The following CAPRIN2 variants were observed in gnomAD, a reference collection of about 807,000 sequenced individuals.
CAPRIN2 encodes caprin family member 2.
In CAPRIN2, 66 loss-of-function variants were observed where a neutral mutation model predicts 130.4. The ratio of observed to expected loss-of-function variants is 0.51; its 90% CI spans 0.42 to 0.62. The LOEUF (loss-of-function observed/expected upper bound fraction) is 0.62. Ranked by LOEUF, CAPRIN2 falls within the 20% of genes least tolerant of loss-of-function variation. The pLI is 0.00. For missense variants in CAPRIN2, 1,185 were observed against 1,246.6 expected (o/e 0.95, Z 0.74); for synonymous variants, 471 against 444.1 (o/e 1.06, Z -0.76).
At chr12:30,711,335 C>A (rs2054477200) in intron 16 of CAPRIN2, among the ~76,000 whole-genome samples, 1 of 152,108 alleles carries the variant, frequency 6.6e-6, no homozygotes, top group African/African-American at 2.4e-5. Context: ...TAGTGTCAAG[C>A]AGATTTTTAA....
exon 8 of CAPRIN2, chr12:30,729,026 A>T: frequency 6.2e-7 from 1 of 1,614,154 alleles, no homozygotes; most frequent in Non-Finnish European, 8.5e-7. Flanking sequence ...ACTGGCTAGG[A>T]GATGGCTTGG....
At chr12:30,726,029 T>C in exon 9 of CAPRIN2, 1 of 1,601,104 alleles carries the variant, frequency 6.2e-7, no homozygotes, top group East Asian at 2.3e-5. Context: ...CTTTCCTCAA[T>C]ACTGGATCCT....
At chr12:30,746,307 A>G (rs2070321456) in intron 2 of CAPRIN2, among the ~76,000 whole-genome samples, 1 of 152,208 alleles carries the variant, frequency 6.6e-6, no homozygotes, top group Admixed American at 6.5e-5. Context: ...TAAGAGGATC[A>G]CTTGAGCCCA....
intron 15 of CAPRIN2, 121 bp from the exon 18 acceptor site, chr12:30,711,750 C>A: frequency 1.3e-6 from 1 of 792,004 alleles, no homozygotes; most frequent in Non-Finnish European, 2.2e-6. Context: ...TGGCCTTCCC[C>A]AGCAACCAAA....
intron 3 of CAPRIN2, 138 bp downstream of exon 4, chr12:30,740,882 C>T (rs2067151442): frequency 1.7e-6 from 1 of 589,432 alleles, no homozygotes; most frequent in Non-Finnish European, 3.0e-6. Context: ...TTATCCTCAA[C>T]CTTCCATCAC....
intron 8 of CAPRIN2, 110 bp downstream of exon 9, chr12:30,728,536 CAG>C (rs2061603210): frequency 1.2e-6 from 1 of 831,898 alleles, no homozygotes. Context: ...GCCTGGGTAA[CAG>C]AGTGTTTCTC....
chr12:30,753,472 G>A lies in CAPRIN2; in HGVS notation c.292C>T (p.Gln98Ter). Residue 98 changes from glutamine (Q) to a stop codon, truncating the protein, a stop_gained, in exon 1 of 17, where the codon CAG (glutamine) becomes TAG (stop). Coordinates refer to ENST00000298892, the Ensembl canonical transcript of CAPRIN2. LOFTEE classifies it high-confidence loss of function. The stretch of plus-strand genomic sequence containing the variant: ...GACTGCAGGGGGCTCAAGGCCCGCT[G>A]GCTTTCCCCATGCTGACTGTGGTTC... The A allele has an allele frequency of 6.2e-7, 1 of 1,614,158 alleles. No homozygotes were observed. The highest frequency in any genetic ancestry group is 2.2e-5 in the East Asian group (1 of 44,882).
At chr12:30,709,857 A>T (rs763315430) in exon 17 of CAPRIN2, 15 of 1,545,034 alleles carry the variant, frequency 9.7e-6, no homozygotes, top group Non-Finnish European at 1.3e-5. Context: ...CTTCAATCCC[A>T]CTAATTAGAA....
intron 8 of CAPRIN2, 66 bp from the exon 10 acceptor site, chr12:30,726,154 T>TAA (rs2060867711): frequency 1.6e-6 from 2 of 1,272,216 alleles, no homozygotes; most frequent in African/African-American, 3.1e-5. Context: ...TAGGAAACAG[T>TAA]TTATCACTAC....
chr12:30,716,876 C>T (rs1308488818), intron 12 of CAPRIN2, among the ~76,000 whole-genome samples, 200 bp from the exon 15 acceptor site: 2 of 152,060 alleles, frequency 1.3e-5, no homozygotes, highest in African/African-American at 4.8e-5. Context: ...AAATGTAAAT[C>T]CAAACCATAA....
At chr12:30,736,168 C>T (rs1393648542) in intron 3 of CAPRIN2, among the ~76,000 whole-genome samples, 1 of 151,676 alleles carries the variant, frequency 6.6e-6, no homozygotes, top group Non-Finnish European at 1.5e-5. Context: ...AGTTTCCCCT[C>T]CAACAATTTG....
chr12:30,733,651 C>T, exon 5 of CAPRIN2: 1 of 1,613,148 alleles, frequency 6.2e-7, no homozygotes, highest in Non-Finnish European at 8.5e-7. Flanking sequence ...CCACTGCTTT[C>T]TCACTACCTT....
exon 6 of CAPRIN2, chr12:30,731,372 A>G: frequency 1.2e-6 from 2 of 1,612,798 alleles, no homozygotes; most frequent in Non-Finnish European, 1.7e-6. Flanking sequence ...AGTCTTCGAT[A>G]ATTGTGTTTT....
At chr12:30,751,716 T>C (rs145722519) in intron 1 of CAPRIN2, 5 of 152,436 alleles carry the variant, frequency 3.3e-5, no homozygotes, top group African/African-American at 1.2e-4. Flanking sequence ...CAGTTACCTG[T>C]TGAATTATGT....
intron 12 of CAPRIN2, chr12:30,719,944 C>T (rs1347022366): frequency 1.3e-5 from 2 of 152,086 alleles, no homozygotes; most frequent in Non-Finnish European, 1.5e-5. Flanking sequence ...TCTTCTATAA[C>T]AGTTAACAAA....
At chr12:30,716,548 T>C (rs1261960635) in exon 13 of CAPRIN2, 2 of 1,613,986 alleles carry the variant, frequency 1.2e-6, no homozygotes, top group Non-Finnish European at 1.7e-6. Context: ...CATGTATAGA[T>C]GGCAGTTGGC....
chr12:30,744,347 A>C (rs961062401), intron 2 of CAPRIN2, among the ~76,000 whole-genome samples: 2 of 152,176 alleles, frequency 1.3e-5, no homozygotes, highest in African/African-American at 4.8e-5. Flanking sequence ...TCCCTGCTTA[A>C]ACATATCTGT....
chr12:30,741,198 A>G, intron 2 of CAPRIN2, 92 bp from the exon 4 acceptor site: 1 of 687,528 alleles, frequency 1.5e-6, no homozygotes, highest in African/African-American at 1.9e-5. Flanking sequence ...GAAGAGATTT[A>G]AGATCTTATG....
intron 1 of CAPRIN2, among the ~76,000 whole-genome samples, chr12:30,752,921 T>A (rs1013893429): frequency 2.0e-5 from 3 of 152,210 alleles, no homozygotes; most frequent in Admixed American, 1.3e-4. Flanking sequence ...CAAAAGTAAG[T>A]GGTAAAACAT....
Sources: allele counts gnomAD v4.1 joint callset (sites outside exome capture counted in the v4.1 genomes callset), GRCh38; gene constraint gnomAD v4.1.1; transcripts MANE v1.5; gene names NCBI Gene and HGNC (gene_info 2026-07-23, HGNC 2026-07-21).